Variants in PRRX2 observed in about 807,000 individuals in gnomAD.
The protein encoded by PRRX2 is paired related homeobox 2.
In PRRX2, 11 loss-of-function variants were observed where a neutral mutation model predicts 18.0. That is an observed-to-expected ratio of 0.61 (90% CI 0.39 to 1.01). PRRX2 has a LOEUF of 1.01. PRRX2 is among the 50% of genes least tolerant of loss of function. The pLI is 0.01. For synonymous variants in PRRX2, 177 were observed against 154.8 expected (o/e 1.14, Z -1.06); for missense variants, 387 against 351.0 (o/e 1.10, Z -0.82).
chr9:129,685,436 A>G (rs10819556), intron 1 of PRRX2, among the ~76,000 whole-genome samples: 59,687 of 152,040 alleles, frequency 0.39, 12,792 homozygotes, highest in Non-Finnish European at 0.47. Context: ...GCACAATCAC[A>G]GCTCACTATA....
chr9:129,676,230 TCA>T (rs1832161449), intron 1 of PRRX2, among the ~76,000 whole-genome samples: 1 of 152,110 alleles, frequency 6.6e-6, no homozygotes, highest in African/African-American at 2.4e-5. Context: ...ACGGTGGGAA[TCA>T]GGGGTGGCAT....
intron 1 of PRRX2, among the ~76,000 whole-genome samples, chr9:129,684,403 A>G (rs907590397): frequency 7.5e-5 from 11 of 146,886 alleles, no homozygotes; most frequent in Admixed American, 7.0e-4. Context: ...AGACACACAC[A>G]CAGAGAGAGA....
In PRRX2 at chr9:129,719,396, A is replaced by C. The variant is rs1447044026; in HGVS notation, c.425A>C (p.Asn142Thr). The C allele has an allele frequency of 1.3e-6, 2 of 1,544,848 alleles. No homozygotes were observed. Among genetic ancestry groups the C allele is most frequent in the Non-Finnish European group, 1.7e-6 (2 of 1,145,454 alleles). Residue 142 changes from asparagine to threonine, a missense_variant, in exon 2 of 4, where the codon AAC (asparagine) becomes ACC (threonine). Coordinates refer to ENST00000372469, the MANE Select transcript of PRRX2 (RefSeq NM_016307.4). Reference sequence around the variant, plus strand: ...CGCGAGGAGCTTGCCCGGCGCGTCAACCTCAGCGAGGCGCGCGTTCAGGTG... The same window carrying C: ...CGCGAGGAGCTTGCCCGGCGCGTCACCCTCAGCGAGGCGCGCGTTCAGGTG... Reference protein sequence around the residue: ...FVREELARRVNLSEARVQVWF... With the variant: ...FVREELARRVTLSEARVQVWF...
At position 129,719,239 on chromosome 9, in the gene PRRX2, C is replaced by T. The variant is rs994213997; in HGVS notation, c.268C>T (p.Pro90Ser). The T allele has an allele frequency of 2.5e-6, 4 of 1,593,180 alleles. No individual in the cohort carries two copies. Among genetic ancestry groups the T allele is most frequent in the South Asian group, 1.1e-5 (1 of 87,992 alleles). ...SEAAPQDGECPSPGRGSAAKR... is the reference protein window; with the variant it reads ...SEAAPQDGECSSPGRGSAAKR... ...CCCCCCAACCTCCGCAGGTGAGTGT[C>T]CCAGCCCGGGGCGCGGTAGCGCCGC... Residue 90 changes from proline (P) to serine (S), a missense_variant, in exon 2 of 4, where the codon CCC becomes TCC. Physicochemically the swap from Pro to Ser is moderately conservative, Grantham distance 74. Coordinates refer to ENST00000372469, the MANE Select transcript of PRRX2 (RefSeq NM_016307.4).
At chr9:129,705,807 G>A (rs73627664) in intron 1 of PRRX2, among the ~76,000 whole-genome samples, 12,514 of 151,932 alleles carry the variant, frequency 0.082, 730 homozygotes, top group East Asian at 0.21. Flanking sequence ...TGGGCACGGT[G>A]GCTCATGCCT....
chr9:129,666,146 G>GT lies in PRRX2; in HGVS notation c.259+20_259+21insT. ...AGGATGGTGAGTACGGCCGGCCAGG[G>GT]ACGGGGGTGGCGGGGCCGGGGCCGG... On this transcript the variant is annotated intron_variant, in intron 1 of 3. Transcript: ENST00000372469. 5.0e-6 allele frequency: 5 copies of GT among 1,009,218 alleles called. No individual in the cohort carries two copies. The highest frequency in any genetic ancestry group is 5.9e-6 in the Non-Finnish European group (5 of 847,388). The allele number at this position is 1,009,218 out of a possible 1,614,324, so 62.5% of individuals were successfully genotyped here. A position where few individuals can be genotyped will look rare whatever the true frequency, so the allele number is the denominator to read the frequency against.
At chr9:129,678,059 G>T (rs1372111347) in intron 1 of PRRX2, among the ~76,000 whole-genome samples, 2 of 149,970 alleles carry the variant, frequency 1.3e-5, no homozygotes, top group South Asian at 4.2e-4. Context: ...CGCCTCCAGG[G>T]TTCAGGTGAT....
chr9:129,701,058 G>A (rs1201285088), intron 1 of PRRX2, among the ~76,000 whole-genome samples: 2 of 152,234 alleles, frequency 1.3e-5, no homozygotes, highest in East Asian at 1.9e-4. Context: ...AAAGAAATGA[G>A]ACATTTTTCA....
intron 1 of PRRX2, among the ~76,000 whole-genome samples, chr9:129,710,648 G>C (rs1022526601): frequency 6.6e-6 from 1 of 152,170 alleles, no homozygotes; most frequent in Non-Finnish European, 1.5e-5. Context: ...CAGGAGAATC[G>C]TTTGAACCTG....
rs913793782 is a variant in PRRX2, at chr9:129,709,614, T to C, written c.260-9617T>C. 7.2e-5 allele frequency among the ~76,000 whole-genome samples: 11 copies of C among 152,228 alleles called. No homozygotes were observed. Among genetic ancestry groups the C allele is most frequent in the African/African-American group, 2.7e-4 (11 of 41,464 alleles). Reference sequence around the variant, plus strand: ...ACCTGTCTGACTCCTCGGGCCCCACTGCGGCTTCCATCATCACCTTCCTTC... The same window carrying C: ...ACCTGTCTGACTCCTCGGGCCCCACCGCGGCTTCCATCATCACCTTCCTTC... On this transcript the variant is annotated intron_variant, in intron 1 of 3. Transcript: ENST00000372469. This position sits in a 1 kb window ranked among gnomAD's most constrained non-coding sequence, Gnocchi z 4.2.
At chr9:129,717,807 G>A (rs2130935720) in intron 1 of PRRX2, among the ~76,000 whole-genome samples, 1 of 152,082 alleles carries the variant, frequency 6.6e-6, no homozygotes, top group Admixed American at 6.6e-5. Flanking sequence ...GTTTGAATCT[G>A]TTACTGTGAC....
chr9:129,682,575 T>C (rs2119063988), intron 1 of PRRX2, among the ~76,000 whole-genome samples: 1 of 152,270 alleles, frequency 6.6e-6, no homozygotes, highest in African/African-American at 2.4e-5. Context: ...TATTCCTTTG[T>C]CTCTTGACTG....
chr9:129,714,483 C>T (rs1242407511), intron 1 of PRRX2, among the ~76,000 whole-genome samples: 1 of 152,068 alleles, frequency 6.6e-6, no homozygotes, highest in Non-Finnish European at 1.5e-5. Context: ...GGTGGGTGGC[C>T]ACACGTGGAG....
At chr9:129,720,050 T>C (rs1297228563) in intron 2 of PRRX2, among the ~76,000 whole-genome samples, 1 of 151,710 alleles carries the variant, frequency 6.6e-6, no homozygotes, top group African/African-American at 2.4e-5. Flanking sequence ...GAACAATGCC[T>C]GGCACCAAGG....
At chr9:129,677,750 C>T (rs950423467) in intron 1 of PRRX2, among the ~76,000 whole-genome samples, 2 of 152,238 alleles carry the variant, frequency 1.3e-5, no homozygotes, top group Admixed American at 1.3e-4. Context: ...GCCGCCCCAC[C>T]ACCACATCCC....
intron 2 of PRRX2, 36 bp from the exon 3 acceptor site, chr9:129,720,560 G>A (rs376182405): frequency 6.4e-7 from 1 of 1,555,778 alleles, no homozygotes; most frequent in East Asian, 2.3e-5. Context: ...GGTCCCCCCT[G>A]CCCATGCTGC....
intron 1 of PRRX2, among the ~76,000 whole-genome samples, chr9:129,713,532 C>T (rs1832658613): frequency 6.6e-6 from 1 of 152,204 alleles, no homozygotes; most frequent in Non-Finnish European, 1.5e-5. Flanking sequence ...GCTGCTGAGC[C>T]TGGGAGCGAG....
chr9:129,719,357 C>A lies in PRRX2; in HGVS notation c.386C>A (p.Pro129His). Residue 129 changes from proline to histidine, a missense_variant, in exon 2 of 4, where the codon CCC (proline) becomes CAC (histidine). Pro to His is a moderately conservative substitution (Grantham distance 77). Coordinates refer to ENST00000372469, the MANE Select transcript of PRRX2 (RefSeq NM_016307.4). ...CGCGTGTTCGAGCGCACGCACTACC[C>A]CGACGCCTTTGTGCGCGAGGAGCTT... ...LERVFERTHYPDAFVREELAR... is the reference protein window; with the variant it reads ...LERVFERTHYHDAFVREELAR... The A allele has an allele frequency of 6.3e-7, 1 of 1,580,956 alleles. No homozygotes were observed.
intron 1 of PRRX2, among the ~76,000 whole-genome samples, chr9:129,692,341 A>AC (rs1236727301): frequency 4.2e-4 from 44 of 103,880 alleles, no homozygotes; most frequent in Admixed American, 2.8e-3. Flanking sequence ...CCCCACCTCC[A>AC]CCCCCACCAT....
Sources: gnomAD v4.1 joint callset for allele counts (sites outside exome capture counted in the v4.1 genomes callset) on GRCh38, gnomAD v4.1.1 for gene constraint, Gnocchi (gnomAD v3.1) non-coding constraint, MANE v1.5 for transcripts, NCBI Gene and HGNC (gene_info 2026-07-23, HGNC 2026-07-21) for gene names.